The following RANBP17 variants were observed in gnomAD, a reference collection of about 807,000 sequenced individuals.
RANBP17 encodes RAN binding protein 17, also known as ran-binding protein 17.
Under a neutral mutation model 141.2 loss-of-function variants are expected in RANBP17, and 158 were observed. The observed-to-expected ratio is 1.12, with a 90% CI of 0.98 to 1.28. The LOEUF is 1.28. Among genes scored for constraint, RANBP17 ranks in the 50% most tolerant of loss-of-function variants. The pLI is 0.00. For synonymous variants in RANBP17, 430 were observed against 450.0 expected (o/e 0.96, Z 0.56); for missense variants, 1,438 against 1,290.7 (o/e 1.11, Z -1.75).
At chr5:170,863,468 C>T (rs761290458) in intron 1 of RANBP17, 5 of 152,088 alleles carry the variant, frequency 3.3e-5, no homozygotes, top group Non-Finnish European at 7.3e-5. Context: ...GTCTGATAAT[C>T]GACAGTTCTA....
intron 22 of RANBP17, among the ~76,000 whole-genome samples, chr5:171,234,368 A>T (rs1764403204): frequency 6.6e-6 from 1 of 152,182 alleles, no homozygotes; most frequent in South Asian, 2.1e-4. Context: ...GCCCACTAAC[A>T]TCACTTTGAC....
intron 13 of RANBP17, 103 bp from the exon 14 acceptor site, chr5:170,968,139 T>C (rs1200146274): frequency 7.5e-6 from 6 of 801,388 alleles, no homozygotes; most frequent in South Asian, 2.8e-5. Context: ...TTTCCCACTT[T>C]TTACAGTGAT....
At chr5:171,050,236 AACT>A (rs1581492979) in intron 14 of RANBP17, among the ~76,000 whole-genome samples, 2 of 152,318 alleles carry the variant, frequency 1.3e-5, no homozygotes, top group South Asian at 4.1e-4. Flanking sequence ...ATAAACTATA[AACT>A]ACTATTAGTA....
chr5:171,195,888 G>A (rs955671439), intron 18 of RANBP17, among the ~76,000 whole-genome samples: 2 of 152,196 alleles, frequency 1.3e-5, no homozygotes, highest in African/African-American at 4.8e-5. Flanking sequence ...TTTGAAAACA[G>A]TAAGAGCCAC....
chr5:171,148,435 TTTAA>T (rs1581736862), intron 14 of RANBP17, among the ~76,000 whole-genome samples: 1 of 152,234 alleles, frequency 6.6e-6, no homozygotes, highest in Admixed American at 6.5e-5. Context: ...ATTAAATGAC[TTTAA>T]TTAATAGAAC....
intron 25 of RANBP17, among the ~76,000 whole-genome samples, chr5:171,289,836 C>T (rs1460146244): frequency 6.6e-6 from 1 of 151,930 alleles, no homozygotes; most frequent in Non-Finnish European, 1.5e-5. Context: ...TTGAGACCAG[C>T]CAGGCCAACA....
intron 12 of RANBP17, among the ~76,000 whole-genome samples, chr5:170,942,368 CA>C (rs1774398066): frequency 6.6e-6 from 1 of 152,004 alleles, no homozygotes; most frequent in South Asian, 2.1e-4. Flanking sequence ...CTCAGATGCT[CA>C]TCAATATGAA....
At chr5:171,003,944 C>T (rs1369275541) in intron 14 of RANBP17, among the ~76,000 whole-genome samples, 1 of 152,072 alleles carries the variant, frequency 6.6e-6, no homozygotes, top group Non-Finnish European at 1.5e-5. Context: ...GGGTTGGGCA[C>T]CACAGGGTGG....
At chr5:171,048,506 G>T (rs1782742827) in intron 14 of RANBP17, among the ~76,000 whole-genome samples, 1 of 151,786 alleles carries the variant, frequency 6.6e-6, no homozygotes, top group African/African-American at 2.4e-5. Context: ...AGGTTCAGGG[G>T]TACATGTGCA....
At chr5:171,241,288 T>C in intron 23 of RANBP17, 146 bp downstream of exon 23, 1 of 591,102 alleles carries the variant, frequency 1.7e-6, no homozygotes, top group Non-Finnish European at 2.8e-6. Context: ...TTACAGAATT[T>C]GGAAAACTAT....
At chr5:171,247,903 T>C (rs1439367270) in intron 24 of RANBP17, among the ~76,000 whole-genome samples, 1 of 152,132 alleles carries the variant, frequency 6.6e-6, no homozygotes, top group Non-Finnish European at 1.5e-5. Flanking sequence ...CAAATCATTA[T>C]ATGCGCTAAA....
chr5:171,163,844 A>G (rs1219238788), intron 14 of RANBP17, among the ~76,000 whole-genome samples: 1 of 152,142 alleles, frequency 6.6e-6, no homozygotes, highest in Non-Finnish European at 1.5e-5. Flanking sequence ...ATGGCAAAAT[A>G]CTTTGTTGTT....
intron 14 of RANBP17, among the ~76,000 whole-genome samples, chr5:171,094,155 A>G (rs552614994): frequency 4.6e-5 from 7 of 152,284 alleles, no homozygotes; most frequent in South Asian, 4.2e-4. Flanking sequence ...GAAAGCACCA[A>G]CTAACTCTTT....
rs1785770038 is a variant in RANBP17, at chr5:171,087,538, T to C, written c.1711-82592T>C. Among the ~76,000 whole-genome samples the C allele has an allele frequency of 1.3e-5, 2 of 152,034 alleles. 1 individual carries two copies. Among genetic ancestry groups the C allele is most frequent in the South Asian group, 4.2e-4 (2 of 4,802 alleles). ...TATCCTTGTTGACTTTCTGTCTTGT[T>C]GATCTGTCTAATGTTGACAGTGGGG... On this transcript the variant is annotated intron_variant, in intron 14 of 27. Coordinates refer to ENST00000523189, the MANE Select transcript of RANBP17 (RefSeq NM_022897.5).
chr5:170,925,388 G>A (rs1428759883), intron 12 of RANBP17, among the ~76,000 whole-genome samples: 1 of 151,868 alleles, frequency 6.6e-6, no homozygotes, highest in Non-Finnish European at 1.5e-5. Context: ...CTACTTCAGT[G>A]TTTTTTTTCT....
In RANBP17 at chr5:171,181,148, C is replaced by T. The variant is rs75195403; in HGVS notation, c.1866-2019C>T. 7.4e-3 allele frequency among the ~76,000 whole-genome samples: 1,133 copies of T among 152,256 alleles called. 13 individuals are homozygous for T. Among genetic ancestry groups the T allele is most frequent in the African/African-American group, 0.026 (1,071 of 41,534 alleles). ...CTGCATCTTTGGAGGCAAGGAAAAA[C>T]TTGCTACCTGACAGCCTTGATCTTG... On this transcript the variant is annotated intron_variant, in intron 16 of 27. Transcript: ENST00000523189.
At chr5:171,024,299 T>C (rs1781088705) in intron 14 of RANBP17, among the ~76,000 whole-genome samples, 1 of 152,164 alleles carries the variant, frequency 6.6e-6, no homozygotes, top group Admixed American at 6.5e-5. Context: ...TATTTGACTT[T>C]AGCCTTGTAA....
intron 12 of RANBP17, among the ~76,000 whole-genome samples, chr5:170,936,639 C>T (rs898350801): frequency 2.0e-5 from 3 of 152,022 alleles, no homozygotes; most frequent in African/African-American, 4.8e-5. Flanking sequence ...TGTCATATGA[C>T]CCAGAATATT....
chr5:170,889,749 T>C (rs1169915086), intron 3 of RANBP17, among the ~76,000 whole-genome samples: 4 of 152,210 alleles, frequency 2.6e-5, no homozygotes, highest in African/African-American at 9.6e-5. Flanking sequence ...TCTGGGGTTT[T>C]TCCCAGCTGT....
Sources: allele counts gnomAD v4.1 joint callset (sites outside exome capture counted in the v4.1 genomes callset), GRCh38; gene constraint gnomAD v4.1.1; transcripts MANE v1.5; gene names NCBI Gene and HGNC (gene_info 2026-07-23, HGNC 2026-07-21).